The following TBC1D4 variants were observed in gnomAD, a reference collection of about 807,000 sequenced individuals.
TBC1D4 encodes TBC1 domain family member 4.
A neutral mutation model predicts 142.5 loss-of-function variants in TBC1D4; 121 were observed. The ratio of observed to expected loss-of-function variants is 0.85; its 90% confidence interval spans 0.73 to 0.99. The LOEUF (loss-of-function observed/expected upper bound fraction) is 0.99, where lower values mean the gene tolerates loss of function less well. Ranked by LOEUF, TBC1D4 falls within the 50% of genes least tolerant of loss-of-function variation. The pLI is 0.00. For synonymous variants in TBC1D4, 630 were observed against 628.2 expected (o/e 1.00, Z -0.04); for missense variants, 1,475 against 1,606.6 (o/e 0.92, Z 1.40).
At chr13:75,355,919 T>C (rs927241877) in intron 4 of TBC1D4, among the ~76,000 whole-genome samples, 1 of 152,238 alleles carries the variant, frequency 6.6e-6, no homozygotes, top group Non-Finnish European at 1.5e-5. Context: ...CAAGTTTCCA[T>C]GACTGGGTTT....
At chr13:75,382,022 T>G (rs1373501259) in intron 1 of TBC1D4, among the ~76,000 whole-genome samples, 1 of 152,180 alleles carries the variant, frequency 6.6e-6, no homozygotes, top group South Asian at 2.1e-4. Flanking sequence ...GGAGGCTGAT[T>G]CAGTAAAAGG....
chr13:75,463,926 A>T (rs967222970), intron 1 of TBC1D4, among the ~76,000 whole-genome samples: 3 of 152,172 alleles, frequency 2.0e-5, no homozygotes, highest in African/African-American at 7.2e-5. Context: ...GCCTTCTGTG[A>T]CCCATCTCTT....
At chr13:75,459,090 C>G (rs146551834) in intron 1 of TBC1D4, among the ~76,000 whole-genome samples, 21 of 152,324 alleles carry the variant, frequency 1.4e-4, no homozygotes, top group Admixed American at 6.5e-5. Flanking sequence ...GTTGGCACAC[C>G]TGCTTCCGCC....
At chr13:75,296,517 T>A (rs756357241) in intron 17 of TBC1D4, among the ~76,000 whole-genome samples, 9 of 152,224 alleles carry the variant, frequency 5.9e-5, no homozygotes, top group Non-Finnish European at 1.3e-4. Context: ...AGAGAGTTTC[T>A]TCCATCAAGG....
intron 1 of TBC1D4, among the ~76,000 whole-genome samples, chr13:75,444,862 T>C (rs1220034449): frequency 6.6e-6 from 1 of 152,214 alleles, no homozygotes; most frequent in Admixed American, 6.5e-5. Context: ...ACTTTTTATT[T>C]CAATATTGGA....
intron 1 of TBC1D4, among the ~76,000 whole-genome samples, chr13:75,382,847 T>A (rs1883927701): frequency 6.6e-6 from 1 of 152,246 alleles, no homozygotes; most frequent in African/African-American, 2.4e-5. Flanking sequence ...ATTCTGTGCG[T>A]ACTGGGTTAA....
chr13:75,416,291 G>A (rs1008698926), intron 1 of TBC1D4, among the ~76,000 whole-genome samples: 3 of 152,156 alleles, frequency 2.0e-5, no homozygotes, highest in African/African-American at 7.2e-5. Context: ...TAGCCTCTCT[G>A]TAAGTCTAAA....
At chr13:75,314,527 T>G (rs1396926690) in intron 12 of TBC1D4, among the ~76,000 whole-genome samples, 1 of 152,202 alleles carries the variant, frequency 6.6e-6, no homozygotes, top group Non-Finnish European at 1.5e-5. Flanking sequence ...AAAAGACTTC[T>G]GAGCTGCTAT....
intron 1 of TBC1D4, among the ~76,000 whole-genome samples, chr13:75,377,573 G>A (rs1348133312): frequency 6.6e-6 from 1 of 151,514 alleles, no homozygotes; most frequent in Admixed American, 6.6e-5. Flanking sequence ...AAACACAAAT[G>A]AGCAAAAACA....
chr13:75,336,527 G>T (rs1349789674), intron 8 of TBC1D4, among the ~76,000 whole-genome samples: 1 of 152,146 alleles, frequency 6.6e-6, no homozygotes, highest in Non-Finnish European at 1.5e-5. Context: ...GACCAACATG[G>T]TAAAAACCTG....
At chr13:75,397,025 TG>T (rs1884830257) in intron 1 of TBC1D4, among the ~76,000 whole-genome samples, 1 of 152,014 alleles carries the variant, frequency 6.6e-6, no homozygotes, top group Non-Finnish European at 1.5e-5. Flanking sequence ...CAGTCCCAAC[TG>T]AAACAGGACA....
intron 1 of TBC1D4, among the ~76,000 whole-genome samples, chr13:75,393,030 C>CT (rs1228531977): frequency 6.6e-6 from 1 of 151,928 alleles, no homozygotes; most frequent in Non-Finnish European, 1.5e-5. Context: ...ACAGTATACC[C>CT]TTCCTTATGT....
chr13:75,371,102 C>G (rs950053201), intron 1 of TBC1D4, among the ~76,000 whole-genome samples: 1 of 152,152 alleles, frequency 6.6e-6, no homozygotes, highest in Non-Finnish European at 1.5e-5. Context: ...CACGAGATCA[C>G]AGGTGACTTT....
Position 75,319,999 on chromosome 13 carries a change from T to C in TBC1D4, c.2222+15A>G, listed in dbSNP as rs1878619779. 4 of 1,612,352 alleles carry C rather than the reference T, an allele frequency of 2.5e-6. No individual in the cohort carries two copies. The highest frequency in any genetic ancestry group is 1.3e-5 in the African/African-American group (1 of 74,982). Reference sequence around the variant, plus strand: ...TGAATTTTTTTTAAATAAAAATACGTAGACCTCTAATCACCTTGATTCTGA... The same window carrying C: ...TGAATTTTTTTTAAATAAAAATACGCAGACCTCTAATCACCTTGATTCTGA... On this transcript the variant is annotated intron_variant, in intron 12 of 20. Transcript: ENST00000377636.
At chr13:75,452,600 G>A (rs17064485) in intron 1 of TBC1D4, among the ~76,000 whole-genome samples, 22,718 of 152,036 alleles carry the variant, frequency 0.15, 2,244 homozygotes, top group African/African-American at 0.28. Flanking sequence ...AACTAATTTC[G>A]ATGACTAAAC....
intron 1 of TBC1D4, among the ~76,000 whole-genome samples, chr13:75,427,226 T>C (rs1233674071): frequency 6.6e-6 from 1 of 152,160 alleles, no homozygotes; most frequent in Non-Finnish European, 1.5e-5. Flanking sequence ...TAGCTGGAGC[T>C]ACAGGCGCCC....
At chr13:75,310,198 A>T (rs375737246) in intron 13 of TBC1D4, 47 bp from the exon 14 acceptor site, 262 of 1,567,270 alleles carry the variant, frequency 1.7e-4, no homozygotes, top group Non-Finnish European at 2.2e-4. Flanking sequence ...AGTAACCCAG[A>T]CTACCCAAGT....
chr13:75,363,615 T>C (rs1421327841), intron 1 of TBC1D4, among the ~76,000 whole-genome samples: 9 of 152,132 alleles, frequency 5.9e-5, no homozygotes, highest in Non-Finnish European at 2.9e-5. Context: ...CTTACATATA[T>C]TGACTGATGT....
chr13:75,480,593 T>C (rs577052341), intron 1 of TBC1D4, among the ~76,000 whole-genome samples: 5 of 152,354 alleles, frequency 3.3e-5, no homozygotes, highest in East Asian at 3.9e-4. Flanking sequence ...CCTGTTCTAC[T>C]ACACTGCCTC....
Sources: gnomAD v4.1 joint callset for allele counts (sites outside exome capture counted in the v4.1 genomes callset) on GRCh38, gnomAD v4.1.1 for gene constraint, MANE v1.5 for transcripts, NCBI Gene and HGNC (gene_info 2026-07-23, HGNC 2026-07-21) for gene names.